Variants in FRMPD4 observed in about 807,000 individuals in gnomAD.
FRMPD4 encodes FERM and PDZ domain containing 4.
Under a neutral mutation model 94.1 loss-of-function variants are expected in FRMPD4, and 22 were observed. The observed-to-expected ratio is 0.23, with a 90% CI of 0.17 to 0.33. The LOEUF (loss-of-function observed/expected upper bound fraction) is 0.33. Ranked by LOEUF, FRMPD4 falls within the 10% of genes least tolerant of loss-of-function variation. FRMPD4 has a pLI of 1.00. For synonymous variants in FRMPD4, 631 were observed against 548.6 expected, an observed-to-expected ratio of 1.15 and a Z score of -2.10; for missense variants, 1,111 against 1,339.9, an observed-to-expected ratio of 0.83 and a Z score of 2.67.
At chrX:12,357,285 C>T (rs975086224) in intron 1 of FRMPD4, among the ~76,000 whole-genome samples, 2 of 111,952 alleles carry the variant, frequency 1.8e-5, no homozygotes, top group Admixed American at 1.9e-4. Context: ...TAACTATACT[C>T]AAAGGGCAAA....
At chrX:12,043,887 AT>A (rs1343173375) in intron 3 of FRMPD4, among the ~76,000 whole-genome samples, 5 of 111,747 alleles carry the variant, frequency 4.5e-5, no homozygotes, top group African/African-American at 1.6e-4. Flanking sequence ...GATAAATTAC[AT>A]GCTTTTCTCA....
chrX:12,004,468 C>T (rs1480283308), intron 3 of FRMPD4, among the ~76,000 whole-genome samples: 1 of 111,651 alleles, frequency 9.0e-6, no homozygotes, highest in African/African-American at 3.3e-5. Context: ...CACCACCAAG[C>T]CTGGCCTGGC....
chrX:12,033,334 T>G, intron 3 of FRMPD4, among the ~76,000 whole-genome samples: 1 of 111,656 alleles, frequency 9.0e-6, no homozygotes, highest in East Asian at 2.8e-4. Context: ...AAAGAATAGC[T>G]AACTGAAAGA....
chrX:11,914,253 CT>C (rs1461651939), intron 3 of FRMPD4, among the ~76,000 whole-genome samples: 1 of 108,638 alleles, frequency 9.2e-6, no homozygotes, highest in Non-Finnish European at 1.9e-5. Context: ...TTATGATGTC[CT>C]TTGAATAATA....
At chrX:12,607,762 CAACT>C (rs978774894) in intron 2 of FRMPD4, among the ~76,000 whole-genome samples, 1 of 112,246 alleles carries the variant, frequency 8.9e-6, no homozygotes, top group Non-Finnish European at 1.9e-5. Context: ...TGTTAGTTCT[CAACT>C]AACACTTCTC....
At chrX:12,690,538 C>A (rs756934868) in intron 8 of FRMPD4, among the ~76,000 whole-genome samples, 1 of 112,330 alleles carries the variant, frequency 8.9e-6, no homozygotes, top group East Asian at 2.8e-4. Flanking sequence ...AGTCTCACAA[C>A]TAGATTTGTC....
chrX:12,535,461 AC>A (rs1263120136), intron 2 of FRMPD4, among the ~76,000 whole-genome samples: 1 of 111,651 alleles, frequency 9.0e-6, no homozygotes, highest in South Asian at 3.8e-4. Context: ...CAACTACTTG[AC>A]CCCCGAAGTC....
intron 3 of FRMPD4, among the ~76,000 whole-genome samples, chrX:12,056,160 A>AG (rs745417498): frequency 1.8e-5 from 2 of 112,254 alleles, no homozygotes; most frequent in East Asian, 5.6e-4. Flanking sequence ...GAAAGTTCCC[A>AG]TTTGCCAGCA....
intron 1 of FRMPD4, among the ~76,000 whole-genome samples, chrX:12,319,792 T>C (rs984180235): frequency 1.8e-5 from 2 of 112,097 alleles, no homozygotes; most frequent in Admixed American, 1.9e-4. Flanking sequence ...TTGTCTATGG[T>C]TTCAGTGCTT....
chrX:12,363,229 T>G (rs2056023996), intron 1 of FRMPD4, among the ~76,000 whole-genome samples: 2 of 112,707 alleles, frequency 1.8e-5, no homozygotes, highest in Admixed American at 1.9e-4. Flanking sequence ...CATTTGTCAA[T>G]TTTGGCTTTT....
chrX:12,553,258 C>T (rs1007458241), intron 2 of FRMPD4, among the ~76,000 whole-genome samples: 6 of 108,488 alleles, frequency 5.5e-5, no homozygotes, highest in African/African-American at 1.0e-4. Context: ...CTTTGCTCTA[C>T]GTTGCCTTTC....
intron 1 of FRMPD4, among the ~76,000 whole-genome samples, chrX:12,148,323 A>G (rs772087106): frequency 8.9e-6 from 1 of 112,344 alleles, no homozygotes; most frequent in Admixed American, 9.5e-5. Flanking sequence ...TATTACTGAT[A>G]TGGAGAAAGT....
chrX:12,619,657 A>T (rs1376969221), intron 4 of FRMPD4, among the ~76,000 whole-genome samples: 1 of 111,752 alleles, frequency 8.9e-6, no homozygotes, highest in Admixed American at 9.4e-5. Flanking sequence ...ATTATCCATC[A>T]AGGGACCCGG....
intron 4 of FRMPD4, among the ~76,000 whole-genome samples, chrX:12,655,087 A>G (rs1221608142): frequency 8.9e-6 from 1 of 112,207 alleles, no homozygotes; most frequent in Non-Finnish European, 1.9e-5. Flanking sequence ...TTAACTCTTA[A>G]TCTTGTTCTT....
At chrX:12,127,952 T>C (rs1412991548) in intron 3 of FRMPD4, among the ~76,000 whole-genome samples, 4 of 112,967 alleles carry the variant, frequency 3.5e-5, no homozygotes, top group Non-Finnish European at 3.7e-5. Flanking sequence ...ATCCAGGTCA[T>C]GCCAATGCAA....
At position 11,874,430 on chromosome X, in the gene FRMPD4, G is replaced by A. The variant is rs144540773; in HGVS notation, c.-29-3465G>A. 9.4e-4 allele frequency among the ~76,000 whole-genome samples: 106 copies of A among 112,552 alleles called. 1 individual carries two copies. Among genetic ancestry groups the A allele is most frequent in the Middle Eastern group, 9.1e-3 (2 of 219 alleles). On this transcript the variant is annotated intron_variant, in intron 2 of 18. Transcript: ENST00000640291. ...CTCCCAAGGTGCTGGGATTTCAGGCGTAAGCCACCATGCCTGGCTATAAAA... is the reference window on the plus strand; with the variant it reads ...CTCCCAAGGTGCTGGGATTTCAGGCATAAGCCACCATGCCTGGCTATAAAA...
At chrX:12,488,099 C>A (rs1309399493) in intron 1 of FRMPD4, among the ~76,000 whole-genome samples, 1 of 111,825 alleles carries the variant, frequency 8.9e-6, no homozygotes, top group East Asian at 2.8e-4. Flanking sequence ...ATCTTACCTT[C>A]TTAATTATGT....
chrX:11,927,611 T>C (rs2147349558), intron 3 of FRMPD4, among the ~76,000 whole-genome samples: 1 of 112,073 alleles, frequency 8.9e-6, no homozygotes, highest in African/African-American at 3.2e-5. Flanking sequence ...TAAGGCTATC[T>C]GATCTTCGAC....
chrX:12,147,200 CATT>C (rs772217847), intron 1 of FRMPD4, among the ~76,000 whole-genome samples: 12 of 112,077 alleles, frequency 1.1e-4, no homozygotes, highest in Non-Finnish European at 1.7e-4. Context: ...TTCCATGTGA[CATT>C]ATAGTTCTAC....
Sources: gnomAD v4.1 joint callset for allele counts (sites outside exome capture counted in the v4.1 genomes callset) on GRCh38, gnomAD v4.1.1 for gene constraint, MANE v1.5 for transcripts, NCBI Gene and HGNC (gene_info 2026-07-23, HGNC 2026-07-21) for gene names.